GPHN: variants seen among roughly 807,000 people sequenced by gnomAD.
GPHN encodes gephyrin.
GPHN carries 17 observed loss-of-function variants against 95.5 expected under a neutral mutation model. That is an observed-to-expected ratio of 0.18 (90% CI 0.12 to 0.27). GPHN has a LOEUF of 0.27. GPHN is among the 10% of genes least tolerant of loss of function. The pLI is 1.00. For synonymous variants in GPHN, 320 were observed against 322.5 expected, an observed-to-expected ratio of 0.99 and a Z score of 0.08; for missense variants, 660 against 978.1, an observed-to-expected ratio of 0.67 and a Z score of 4.34.
the GPHN span, among the ~76,000 whole-genome samples, chr14:67,442,476 G>A: frequency 6.6e-6 from 1 of 152,150 alleles, no homozygotes; most frequent in Non-Finnish European, 1.5e-5. Context: ...CAGAGTGAAC[G>A]AGAAGCAGGC....
At chr14:67,178,037 A>C (rs538218588) in intron 21 of GPHN, among the ~76,000 whole-genome samples, 1 of 152,316 alleles carries the variant, frequency 6.6e-6, no homozygotes, top group Admixed American at 6.5e-5. Context: ...TGTATCTTTT[A>C]ATTGGGGCAT....
At chr14:66,557,034 C>T (rs1318614491) in intron 1 of GPHN, among the ~76,000 whole-genome samples, 1 of 151,824 alleles carries the variant, frequency 6.6e-6, no homozygotes, top group African/African-American at 2.4e-5. Flanking sequence ...CGTTTCTATA[C>T]AAAAATAAAA....
the GPHN span, chr14:67,381,650 G>T: frequency 6.2e-7 from 1 of 1,613,570 alleles, no homozygotes; most frequent in South Asian, 1.1e-5. Flanking sequence ...GAAGCCCTAA[G>T]AGCAGGTTTG....
the GPHN span, among the ~76,000 whole-genome samples, chr14:67,286,045 A>G: frequency 6.6e-6 from 1 of 152,218 alleles, no homozygotes. Context: ...AAATCAGGTA[A>G]GAGGAAATAG....
chr14:67,322,529 T>C, the GPHN span, among the ~76,000 whole-genome samples: 1 of 152,182 alleles, frequency 6.6e-6, no homozygotes, highest in South Asian at 2.1e-4. Context: ...TAAAGAGATG[T>C]ACATAAAGGA....
At chr14:67,492,659 A>G in the GPHN span, among the ~76,000 whole-genome samples, 8 of 152,362 alleles carry the variant, frequency 5.3e-5, no homozygotes, top group African/African-American at 1.9e-4. Context: ...GACCGCTCTT[A>G]TGGTGTGACA....
the GPHN span, chr14:67,578,706 T>C: frequency 1.0e-6 from 1 of 953,260 alleles, no homozygotes; most frequent in African/African-American, 1.6e-5. The surrounding 1 kb of genome is among the most constrained non-coding windows in gnomAD (Gnocchi z 5.0). Flanking sequence ...ATGAGAGGAG[T>C]CTAGGGCAGA....
intron 5 of GPHN, among the ~76,000 whole-genome samples, chr14:66,911,382 A>T (rs2065667253): frequency 6.6e-6 from 1 of 151,978 alleles, no homozygotes; most frequent in South Asian, 2.1e-4. Flanking sequence ...TACTTTAAAA[A>T]CTATTGAATT....
the GPHN span, among the ~76,000 whole-genome samples, chr14:67,213,622 C>T: frequency 6.6e-6 from 1 of 152,082 alleles, no homozygotes; most frequent in Non-Finnish European, 1.5e-5. Context: ...CCACAATAAA[C>T]TTACGTGTGC....
At chr14:67,144,371 A>G (rs2080774450) in intron 18 of GPHN, among the ~76,000 whole-genome samples, 1 of 148,754 alleles carries the variant, frequency 6.7e-6, no homozygotes, top group East Asian at 2.0e-4. Flanking sequence ...CACAATTTGA[A>G]TATTTCAGTA....
chr14:67,372,144 A>T, the GPHN span, among the ~76,000 whole-genome samples: 1 of 152,214 alleles, frequency 6.6e-6, no homozygotes, highest in East Asian at 1.9e-4. Context: ...AAATTAAAAA[A>T]TTTATGTGTG....
At chr14:67,683,442 C>T in the GPHN span, among the ~76,000 whole-genome samples, 1 of 152,214 alleles carries the variant, frequency 6.6e-6, no homozygotes, top group Non-Finnish European at 1.5e-5. Flanking sequence ...AACACACATG[C>T]AACATGTACA....
At chr14:67,663,459 G>A in the GPHN span, among the ~76,000 whole-genome samples, 1 of 152,064 alleles carries the variant, frequency 6.6e-6, no homozygotes. Flanking sequence ...GGATCATGAG[G>A]TCAGGAGATC....
At chr14:66,516,582 A>G (rs2058256059) in intron 1 of GPHN, among the ~76,000 whole-genome samples, 1 of 152,198 alleles carries the variant, frequency 6.6e-6, no homozygotes, top group South Asian at 2.1e-4. Context: ...GGATATTACT[A>G]TAATAAATAG....
intron 22 of GPHN, among the ~76,000 whole-genome samples, chr14:67,180,086 G>A (rs185282556): frequency 6.6e-6 from 1 of 152,148 alleles, no homozygotes; most frequent in Non-Finnish European, 1.5e-5. Context: ...TCTACCATAC[G>A]CTAGTTATTG....
intron 8 of GPHN, among the ~76,000 whole-genome samples, chr14:66,930,992 A>C (rs2066760675): frequency 6.6e-6 from 1 of 151,992 alleles, no homozygotes; most frequent in Admixed American, 6.6e-5. Context: ...ATATTCTTTT[A>C]TTTCAGAGTG....
intron 1 of GPHN, among the ~76,000 whole-genome samples, chr14:66,658,098 G>A (rs75159537): frequency 0.04 from 6,088 of 152,130 alleles, 188 homozygotes; most frequent in Non-Finnish European, 0.059. Context: ...AAATTGATTC[G>A]ACCCTTTATG....
the GPHN span, among the ~76,000 whole-genome samples, chr14:67,290,826 C>T: frequency 2.0e-5 from 3 of 152,254 alleles, no homozygotes; most frequent in African/African-American, 4.8e-5. Flanking sequence ...TGAGCCACTG[C>T]GCCTGGCCAG....
chr14:67,301,169 C>T, the GPHN span, among the ~76,000 whole-genome samples: 4 of 151,502 alleles, frequency 2.6e-5, no homozygotes, highest in South Asian at 2.1e-4. Flanking sequence ...TGTCTATAGG[C>T]GTAAGTACCA....
Sources: gnomAD v4.1 joint callset for allele counts (sites outside exome capture counted in the v4.1 genomes callset) on GRCh38, gnomAD v4.1.1 for gene constraint, Gnocchi (gnomAD v3.1) non-coding constraint, MANE v1.5 for transcripts, NCBI Gene and HGNC (gene_info 2026-07-23, HGNC 2026-07-21) for gene names.